TAF4B: variants seen among roughly 807,000 people sequenced by gnomAD.
TAF4B encodes the protein transcription initiation factor TFIID subunit 4B.
In TAF4B, 38 loss-of-function variants were observed where a neutral mutation model predicts 86.4. That is an observed-to-expected ratio of 0.44 (90% CI 0.34 to 0.58). The LOEUF is 0.58. Among genes scored for constraint, TAF4B ranks in the 20% least tolerant of loss-of-function variants. The probability of loss-of-function intolerance (pLI) is 0.02; values close to 1 mark genes in which losing one functional copy is unlikely to be tolerated. For missense variants in TAF4B, 988 were observed against 1,027.6 expected, an observed-to-expected ratio of 0.96 and a Z score of 0.53; for synonymous variants, 388 against 391.2, an observed-to-expected ratio of 0.99 and a Z score of 0.10.
chr18:26,298,128 ATGTTGAGTGCATT>A, intron 9 of TAF4B, among the ~76,000 whole-genome samples: 1 of 147,930 alleles, frequency 6.8e-6, no homozygotes, highest in South Asian at 2.1e-4. Flanking sequence ...GTGACTAATG[ATGTTGAGTGCATT>A]TGTTCTTATT....
chr18:26,329,948 G>A (rs1230987343), intron 12 of TAF4B, among the ~76,000 whole-genome samples: 1 of 152,076 alleles, frequency 6.6e-6, no homozygotes, highest in Non-Finnish European at 1.5e-5. Context: ...GGGAATACAG[G>A]CACATGCCAC....
intron 1 of TAF4B, among the ~76,000 whole-genome samples, chr18:26,243,288 T>A (rs887654435): frequency 5.3e-5 from 8 of 152,174 alleles, no homozygotes; most frequent in African/African-American, 1.2e-4. Flanking sequence ...TATTTTTTTT[T>A]ATTCTTTTTT....
At chr18:26,234,642 A>G (rs573408707) in intron 1 of TAF4B, among the ~76,000 whole-genome samples, 2 of 152,276 alleles carry the variant, frequency 1.3e-5, no homozygotes, top group South Asian at 2.1e-4. Flanking sequence ...TCATCGATAT[A>G]TAGGTTAAGG....
intron 1 of TAF4B, among the ~76,000 whole-genome samples, chr18:26,229,918 CTT>C (rs1466590132): frequency 6.6e-6 from 1 of 151,354 alleles, no homozygotes; most frequent in Non-Finnish European, 1.5e-5. Flanking sequence ...ATTTGATTCT[CTT>C]TACTTCAGAG....
chr18:26,267,799 A>G (rs571369772), intron 3 of TAF4B, among the ~76,000 whole-genome samples, 176 bp downstream of exon 3: 1 of 152,364 alleles, frequency 6.6e-6, no homozygotes, highest in African/African-American at 2.4e-5. Flanking sequence ...CAAGATAAAC[A>G]TGGTGTACAT....
intron 11 of TAF4B, among the ~76,000 whole-genome samples, chr18:26,323,470 C>T (rs915795236): frequency 2.6e-5 from 4 of 152,044 alleles, no homozygotes; most frequent in Non-Finnish European, 2.9e-5. Context: ...GCCACCCTCC[C>T]ACCTCAGCCT....
intron 1 of TAF4B, among the ~76,000 whole-genome samples, chr18:26,230,968 T>C (rs183050397): frequency 6.6e-6 from 1 of 151,776 alleles, no homozygotes; most frequent in East Asian, 1.9e-4. Context: ...TATATGTTCA[T>C]GTGAAAATCA....
chr18:26,315,294 G>A lies in TAF4B; in HGVS notation c.1898G>A (p.Cys633Tyr), dbSNP rs773159217. Residue 633 changes from cysteine (C) to tyrosine (Y), a missense_variant, in exon 10 of 15, where the codon TGC becomes TAC. By Grantham distance (194) the Cys-to-Tyr change is radical. This residue lies in a region of TAF4B where 25 missense variants were observed against 51.3 expected (regional missense o/e 0.49). Coordinates refer to ENST00000269142, the MANE Select transcript of TAF4B (RefSeq NM_005640.3). ...AGVNLNEENA[C>Y]ILATNSELVG... ...GTCAACCTTAATGAAGAAAATGCCTGCATCTTAGCAACAAACTCTGAATTG... is the reference window on the plus strand; with the variant it reads ...GTCAACCTTAATGAAGAAAATGCCTACATCTTAGCAACAAACTCTGAATTG... 3 of 1,613,128 alleles carry A rather than the reference G, an allele frequency of 1.9e-6. No individual in the cohort carries two copies. Among genetic ancestry groups the A allele is most frequent in the South Asian group, 2.2e-5 (2 of 91,014 alleles).
At chr18:26,318,644 A>G (rs1220577536) in intron 10 of TAF4B, among the ~76,000 whole-genome samples, 1 of 152,250 alleles carries the variant, frequency 6.6e-6, no homozygotes, top group African/African-American at 2.4e-5. Context: ...AGCACCAACT[A>G]GATCTTAATC....
chr18:26,311,882 T>A (rs1393775176), intron 9 of TAF4B, among the ~76,000 whole-genome samples: 1 of 152,120 alleles, frequency 6.6e-6, no homozygotes, highest in Non-Finnish European at 1.5e-5. Flanking sequence ...GTTAAGGGGA[T>A]AGAAGAAGAC....
chr18:26,257,559 A>G (rs897066583), intron 1 of TAF4B, among the ~76,000 whole-genome samples: 1 of 152,174 alleles, frequency 6.6e-6, no homozygotes, highest in African/African-American at 2.4e-5. Flanking sequence ...TTATATATAT[A>G]TAGTTGGACT....
intron 9 of TAF4B, among the ~76,000 whole-genome samples, chr18:26,312,579 C>CTGAACAA (rs1263979266): frequency 6.6e-6 from 1 of 152,172 alleles, no homozygotes; most frequent in Non-Finnish European, 1.5e-5. Context: ...TGACTGAATT[C>CTGAACAA]TGTTCAGTGC....
At chr18:26,370,487 G>C (rs549886904) in intron 14 of TAF4B, among the ~76,000 whole-genome samples, 1 of 152,258 alleles carries the variant, frequency 6.6e-6, no homozygotes, top group East Asian at 1.9e-4. Context: ...CTGTCTGAAG[G>C]AGGTTAATCT....
At chr18:26,349,199 G>A (rs936016986) in intron 13 of TAF4B, among the ~76,000 whole-genome samples, 1 of 152,104 alleles carries the variant, frequency 6.6e-6, no homozygotes, top group African/African-American at 2.4e-5. Flanking sequence ...ATTGATCCCA[G>A]CTTCCAGGTA....
chr18:26,278,967 T>C (rs986792920), intron 5 of TAF4B, among the ~76,000 whole-genome samples: 7 of 151,686 alleles, frequency 4.6e-5, no homozygotes, highest in South Asian at 2.1e-4. Flanking sequence ...CCCTTGAGAA[T>C]TGGAACAAGA....
chr18:26,231,859 G>C (rs1021212368), intron 1 of TAF4B, among the ~76,000 whole-genome samples: 4 of 152,228 alleles, frequency 2.6e-5, no homozygotes, highest in Admixed American at 1.3e-4. Context: ...GGACCTGAGC[G>C]GGTTGTTGCT....
chr18:26,287,497 GTTC>G (rs974189393), intron 7 of TAF4B, among the ~76,000 whole-genome samples: 45 of 152,154 alleles, frequency 3.0e-4, no homozygotes, highest in Admixed American at 2.9e-3. Context: ...TGTTTAGAAT[GTTC>G]TTCTTTATTT....
Position 26,387,092 on chromosome 18 carries a change from G to C in TAF4B, c.2422-2753G>C, listed in dbSNP as rs563550439. On this transcript the variant is annotated intron_variant, in intron 14 of 14. Coordinates refer to ENST00000269142, the MANE Select transcript of TAF4B (RefSeq NM_005640.3). ...GTTGTTTTTTGTTTTTTAAGACAGA[G>C]TCTCACTCTGTCACCCAGGCTGGAG... is the stretch of plus-strand genomic sequence containing the variant. Among the ~76,000 whole-genome samples, 437 of 152,218 alleles carry C rather than the reference G, an allele frequency of 2.9e-3. 4 individuals are homozygous for C. Among genetic ancestry groups the C allele is most frequent in the African/African-American group, 9.9e-3 (412 of 41,522 alleles).
chr18:26,296,951 T>A (rs1357463213), intron 9 of TAF4B, among the ~76,000 whole-genome samples: 1 of 151,954 alleles, frequency 6.6e-6, no homozygotes, highest in African/African-American at 2.4e-5. Context: ...CCAGCCTGGC[T>A]AACATAATGA....
Sources: allele counts gnomAD v4.1 joint callset (sites outside exome capture counted in the v4.1 genomes callset), GRCh38; gene constraint gnomAD v4.1.1; regional missense constraint gnomAD v4.1.1; transcripts MANE v1.5; gene names NCBI Gene and HGNC (gene_info 2026-07-23, HGNC 2026-07-21).